The following ALDH1A3 variants were observed in gnomAD, a reference collection of about 807,000 sequenced individuals.
ALDH1A3 encodes the protein retinaldehyde dehydrogenase 3.
In ALDH1A3, 28 loss-of-function variants were observed where a neutral mutation model predicts 57.5. That is an observed-to-expected ratio of 0.49 (90% CI 0.36 to 0.67). ALDH1A3 has a LOEUF of 0.67. Among genes scored for constraint, ALDH1A3 ranks in the 30% least tolerant of loss-of-function variants. The pLI, the probability that ALDH1A3 is intolerant of heterozygous loss-of-function variation, is 0.00. For synonymous variants in ALDH1A3, 281 were observed against 264.8 expected (o/e 1.06, Z -0.59); for missense variants, 507 against 669.4 (o/e 0.76, Z 2.68).
chr15:100,886,873 C>G (rs1021067337), intron 2 of ALDH1A3, among the ~76,000 whole-genome samples: 6 of 152,186 alleles, frequency 3.9e-5, no homozygotes, highest in Non-Finnish European at 5.9e-5. Flanking sequence ...GTTCTGCAAT[C>G]CAGAAAGGAA....
chr15:100,912,037 G>A (rs769095639), intron 12 of ALDH1A3, among the ~76,000 whole-genome samples: 1 of 152,222 alleles, frequency 6.6e-6, no homozygotes, highest in Non-Finnish European at 1.5e-5. Flanking sequence ...TGAAATGGGA[G>A]CAAGCTACAT....
rs547918064 is a variant in ALDH1A3, at chr15:100,898,147, G to T, written c.845G>T (p.Gly282Val). 20 of 1,614,076 alleles carry T rather than the reference G, an allele frequency of 1.2e-5. No individual in the cohort carries two copies. The highest frequency in any genetic ancestry group is 1.4e-5 in the Non-Finnish European group (17 of 1,180,032). The stretch of plus-strand genomic sequence containing the variant: ...CTGAAGCGGGTGACGCTGGAGCTGG[G>T]GGGGAAGAACCCCTGCATCGTGTGT... ...SNLKRVTLEL[G>V]GKNPCIVCAD... is the part of the protein sequence containing the mutation. Residue 282 changes from glycine to valine, a missense_variant, in exon 8 of 13, where the codon GGG becomes GTG. This residue lies in a region of ALDH1A3 where 432 missense variants were observed against 608.4 expected (regional missense o/e 0.71). Transcript: ENST00000329841.
Position 100,897,824 on chromosome 15 carries a change from G to A in ALDH1A3, c.781-259G>A, listed in dbSNP as rs568007291. On this transcript the variant is annotated intron_variant, in intron 7 of 12. Transcript: ENST00000329841. ...AGCCCTGTTCCCAGCCAGCTGTGTG[G>A]GCTTCCAGAGGCTCTAACTCACACC... Among the ~76,000 whole-genome samples, 119 of 152,356 alleles carry A rather than the reference G, an allele frequency of 7.8e-4. 2 individuals are homozygous for A. In the South Asian group the frequency reaches 0.024, roughly 31 times the overall value.
intron 8 of ALDH1A3, among the ~76,000 whole-genome samples, chr15:100,900,037 A>G (rs540642849): frequency 3.3e-5 from 5 of 152,100 alleles, no homozygotes; most frequent in Non-Finnish European, 5.9e-5. Flanking sequence ...TTCTCTAAAT[A>G]CCCTCTGGCT....
chr15:100,909,765 C>T (rs555794836), intron 12 of ALDH1A3, among the ~76,000 whole-genome samples: 14 of 152,304 alleles, frequency 9.2e-5, no homozygotes, highest in African/African-American at 2.9e-4. Flanking sequence ...TGGTTTCCAG[C>T]CGGACACTGT....
chr15:100,909,077 G>C lies in ALDH1A3; in HGVS notation c.1466+595G>C, dbSNP rs556542059. ...TGCAAACCCACTGCAAACCCTCCAC[G>C]CGTGCATGTAAACCCACTGCAAACC... On this transcript the variant is annotated intron_variant, in intron 12 of 12. Coordinates refer to ENST00000329841, the MANE Select transcript of ALDH1A3 (RefSeq NM_000693.4). Among the ~76,000 whole-genome samples, 84 of 139,146 alleles carry C rather than the reference G, an allele frequency of 6.0e-4. 2 individuals are homozygous for C. In the South Asian group the frequency reaches 0.019, roughly 31 times the overall value. 91.3% of individuals were successfully genotyped at this position (139,146 alleles called of 152,430 possible).
At chr15:100,912,270 G>A (rs1032531388) in intron 12 of ALDH1A3, among the ~76,000 whole-genome samples, 1 of 152,092 alleles carries the variant, frequency 6.6e-6, no homozygotes, top group African/African-American at 2.4e-5. Context: ...CCACTGTTTT[G>A]GTTACATTTC....
intron 6 of ALDH1A3, chr15:100,895,418 C>T (rs150680340): frequency 0.025 from 3,821 of 153,188 alleles, 152 homozygotes; most frequent in African/African-American, 0.088. Context: ...CCACTACACT[C>T]TAGCCAGGGC....
rs1055638116 is a variant in ALDH1A3 at position 100,906,799 on chromosome 15, G to T, written c.1234-322G>T. On this transcript the variant is annotated intron_variant, in intron 10 of 12. Transcript: ENST00000329841. The surrounding 1 kb of genome is among the most constrained non-coding windows in gnomAD (Gnocchi z 4.8). ...CCGAAAAAAGTTACCTAAAGGTTTTGTGTTCTGTGCATCTATGGGTTACTC... is the reference window on the plus strand; with the variant it reads ...CCGAAAAAAGTTACCTAAAGGTTTTTTGTTCTGTGCATCTATGGGTTACTC... 6.6e-6 allele frequency among the ~76,000 whole-genome samples: 1 copy of T among 152,214 alleles called. No homozygotes were observed. The highest frequency in any genetic ancestry group is 2.4e-5 in the African/African-American group (1 of 41,448).
rs1184565291 is a variant in ALDH1A3, at chr15:100,887,797, C to A, written c.345+85C>A. 1 of 1,461,674 alleles carries A rather than the reference C, an allele frequency of 6.8e-7. No individual in the cohort carries two copies. The highest frequency in any genetic ancestry group is 9.1e-7 in the Non-Finnish European group (1 of 1,100,350). The allele number at this position is 1,461,674 out of a possible 1,614,324, so 90.5% of individuals were successfully genotyped here. A position where few individuals can be genotyped will look rare whatever the true frequency, so the allele number is the denominator to read the frequency against. On this transcript the variant is annotated intron_variant, in intron 3 of 12. Transcript: ENST00000329841. This position sits in a 1 kb window ranked among gnomAD's most constrained non-coding sequence, Gnocchi z 4.6. ...CACCATGGGGTATGGGAAAAAAGATCACGGTCCTGGTTTTGTGTGGTCGTG... is the reference window on the plus strand; with the variant it reads ...CACCATGGGGTATGGGAAAAAAGATAACGGTCCTGGTTTTGTGTGGTCGTG...
rs1466040465 is a variant in ALDH1A3 at position 100,889,554 on chromosome 15, T to C, written c.345+1842T>C. Among the ~76,000 whole-genome samples, 1 of 152,162 alleles carries C rather than the reference T, an allele frequency of 6.6e-6. No homozygotes were observed. Among genetic ancestry groups the C allele is most frequent in the African/African-American group, 2.4e-5 (1 of 41,430 alleles). ...TGGCTTTTTCAAAAACATTTCTGTT[T>C]TCACCCGGCATGAGCTCATCGGTCG... On this transcript the variant is annotated intron_variant, in intron 3 of 12. Coordinates refer to ENST00000329841, the MANE Select transcript of ALDH1A3 (RefSeq NM_000693.4). This position sits in a 1 kb window ranked among gnomAD's most constrained non-coding sequence, Gnocchi z 5.1.
intron 12 of ALDH1A3, among the ~76,000 whole-genome samples, chr15:100,912,769 C>T (rs1244739355): frequency 2.6e-5 from 4 of 152,124 alleles, no homozygotes; most frequent in Non-Finnish European, 5.9e-5. Flanking sequence ...GAAGTTGAGG[C>T]TCAGGGAAGG....
At chr15:100,907,378 A>G (rs1265308896) in intron 11 of ALDH1A3, 100 bp downstream of exon 11, 12 of 1,394,638 alleles carry the variant, frequency 8.6e-6, no homozygotes, top group Non-Finnish European at 1.2e-5. Context: ...TACATTGTAT[A>G]TTATATACCA....
rs992357340 is a variant in ALDH1A3 at position 100,887,829 on chromosome 15, T to C, written c.345+117T>C. 1.6e-6 allele frequency: 2 copies of C among 1,267,718 alleles called. No individual in the cohort carries two copies. Among genetic ancestry groups the C allele is most frequent in the Non-Finnish European group, 2.1e-6 (2 of 956,434 alleles). The allele number at this position is 1,267,718 out of a possible 1,614,324, so 78.5% of individuals were successfully genotyped here. On this transcript the variant is annotated intron_variant, in intron 3 of 12. Transcript: ENST00000329841. This position sits in a 1 kb window ranked among gnomAD's most constrained non-coding sequence, Gnocchi z 4.6. ...CTGGTTTTGTGTGGTCGTGGGTCTG[T>C]TCCATCCTCTGAGACACGGCTCTCT...
At position 100,893,120 on chromosome 15, in the gene ALDH1A3, G is replaced by A. The variant is rs545669021; in HGVS notation, c.537+114G>A. ...ATCTGATTGCACCAGCGTTGAACAA[G>A]CATTTTCTTCGTGGCATGGAACTCC... On this transcript the variant is annotated intron_variant, in intron 5 of 12. Transcript: ENST00000329841. This position sits in a 1 kb window ranked among gnomAD's most constrained non-coding sequence, Gnocchi z 4.8. The A allele has an allele frequency of 2.1e-6, 2 of 956,192 alleles. No individual in the cohort carries two copies. The highest frequency in any genetic ancestry group is 2.4e-5 in the Admixed American group (1 of 41,350). 59.2% of individuals were successfully genotyped at this position (956,192 alleles called of 1,614,324 possible).
chr15:100,894,487 G>A lies in ALDH1A3; in HGVS notation c.666+405G>A. 1.6e-5 allele frequency: 3 copies of A among 189,972 alleles called. No individual in the cohort carries two copies. In the South Asian group the frequency reaches 3.1e-4, roughly 20 times the overall value. 11.8% of individuals were successfully genotyped at this position (189,972 alleles called of 1,614,324 possible). A position where few individuals can be genotyped will look rare whatever the true frequency, so the allele number is the denominator to read the frequency against. On this transcript the variant is annotated intron_variant, in intron 6 of 12. Transcript: ENST00000329841. This position sits in a 1 kb window ranked among gnomAD's most constrained non-coding sequence, Gnocchi z 4.5. ...CCTCGTCAGCTCTAGCTGGGCGGCT[G>A]CAGCAGTCCGTGTGCCGGGTCCCTG... is the stretch of plus-strand genomic sequence containing the variant.
rs2041816287 is a variant in ALDH1A3 at position 100,905,751 on chromosome 15, G to A, written c.1233+64G>A. 6.3e-6 allele frequency: 9 copies of A among 1,432,710 alleles called. No homozygotes were observed. The South Asian group carries it at 1.3e-4, about 20-fold the overall frequency. 88.7% of individuals were successfully genotyped at this position (1,432,710 alleles called of 1,614,324 possible). On this transcript the variant is annotated intron_variant, in intron 10 of 12. Coordinates refer to ENST00000329841, the MANE Select transcript of ALDH1A3 (RefSeq NM_000693.4). ...CTTTCAAACACGAGTCCTTCCCTAG[G>A]GCCCAGGGATCCCAGAAATCCTTGT...
At chr15:100,914,497 A>G (rs2041911517) in intron 12 of ALDH1A3, 3 of 505,980 alleles carry the variant, frequency 5.9e-6, no homozygotes, top group Non-Finnish European at 3.6e-6. Context: ...GAAGACCTTG[A>G]TATTTACATT....
Position 100,905,505 on chromosome 15 carries a change from CTTGT to C in ALDH1A3, c.1069-13_1069-10del. 1.2e-6 allele frequency: 2 copies of C among 1,614,126 alleles called. No homozygotes were observed. The highest frequency in any genetic ancestry group is 1.7e-6 in the Non-Finnish European group (2 of 1,179,982). The stretch of plus-strand genomic sequence containing the variant: ...CCCAGAAGGAAGCCAGGCTGTACTT[CTTGT>C]TTGTGTCTTGCAGATTGATCAAAAG... On this transcript the variant is annotated splice_polypyrimidine_tract_variant and intron_variant, in intron 9 of 12. Coordinates refer to ENST00000329841, the MANE Select transcript of ALDH1A3 (RefSeq NM_000693.4).
Sources: gnomAD v4.1 joint callset for allele counts (sites outside exome capture counted in the v4.1 genomes callset) on GRCh38, gnomAD v4.1.1 for gene constraint, gnomAD v4.1.1 regional missense constraint, Gnocchi (gnomAD v3.1) non-coding constraint, MANE v1.5 for transcripts, NCBI Gene and HGNC (gene_info 2026-07-23, HGNC 2026-07-21) for gene names.